TTC28: variants seen among roughly 807,000 people sequenced by gnomAD.
TTC28 encodes tetratricopeptide repeat domain 28.
Under a neutral mutation model 198.0 loss-of-function variants are expected in TTC28, and 61 were observed. The ratio of observed to expected loss-of-function variants is 0.31; its 90% confidence interval spans 0.25 to 0.38. The LOEUF (loss-of-function observed/expected upper bound fraction) is 0.38. Among genes scored for constraint, TTC28 ranks in the 10% least tolerant of loss-of-function variants. The probability of loss-of-function intolerance (pLI) is 1.00; values close to 1 mark genes in which losing one functional copy is unlikely to be tolerated. For missense variants in TTC28, 2,678 were observed against 3,164.0 expected (o/e 0.85, Z 3.69); for synonymous variants, 1,171 against 1,297.8 (o/e 0.90, Z 2.10).
chr22:28,407,684 A>G (rs1183443650), intron 2 of TTC28, among the ~76,000 whole-genome samples: 4 of 152,204 alleles, frequency 2.6e-5, no homozygotes, highest in Non-Finnish European at 5.9e-5. Flanking sequence ...AGTGACAATA[A>G]CATTTAGTCT....
At position 28,586,390 on chromosome 22, in the gene TTC28, T is replaced by C. The variant is rs553103816; in HGVS notation, c.381+43162A>G. On this transcript the variant is annotated intron_variant, in intron 2 of 22. Transcript: ENST00000397906. ...TAAAAGTAATAAAATCAATAATATA[T>C]AGATTTTTAAAAAGAATCTATAGAA... 4.0e-5 allele frequency among the ~76,000 whole-genome samples: 6 copies of C among 151,764 alleles called. No individual in the cohort carries two copies. The South Asian group carries it at 6.2e-4, about 16-fold the overall frequency.
intron 6 of TTC28, among the ~76,000 whole-genome samples, chr22:28,132,909 T>C (rs550413641): frequency 1.3e-5 from 2 of 151,962 alleles, no homozygotes; most frequent in African/African-American, 2.4e-5. Flanking sequence ...TTACTATATA[T>C]GAGATAATAT....
At chr22:28,162,761 C>A (rs1921361478) in intron 6 of TTC28, among the ~76,000 whole-genome samples, 2 of 152,118 alleles carry the variant, frequency 1.3e-5, no homozygotes, top group South Asian at 4.1e-4. Flanking sequence ...CCAGCCTGGG[C>A]AACATAAGAA....
intron 2 of TTC28, among the ~76,000 whole-genome samples, chr22:28,329,400 T>C (rs1414860518): frequency 2.6e-5 from 4 of 152,184 alleles, no homozygotes; most frequent in Non-Finnish European, 5.9e-5. Context: ...TGCTGACACA[T>C]GTTCAGTAAT....
intron 2 of TTC28, among the ~76,000 whole-genome samples, chr22:28,608,893 C>A (rs73430189): frequency 0.14 from 20,608 of 152,116 alleles, 1,637 homozygotes; most frequent in African/African-American, 0.2. Context: ...GTCACTAACA[C>A]ACAAAAGCCA....
At chr22:28,191,182 A>T (rs1353008130) in intron 5 of TTC28, among the ~76,000 whole-genome samples, 2 of 152,240 alleles carry the variant, frequency 1.3e-5, no homozygotes, top group African/African-American at 4.8e-5. Context: ...ATTAAAAGAA[A>T]CATGTTTAAA....
At chr22:27,990,668 G>T in intron 20 of TTC28, 121 bp downstream of exon 20, 1 of 945,284 alleles carries the variant, frequency 1.1e-6, no homozygotes, top group Non-Finnish European at 1.6e-6. Context: ...GGGCGCCGCA[G>T]CCCGTGTGGC....
At chr22:28,529,375 G>T (rs1290861286) in intron 2 of TTC28, among the ~76,000 whole-genome samples, 1 of 152,196 alleles carries the variant, frequency 6.6e-6, no homozygotes, top group Non-Finnish European at 1.5e-5. Context: ...GCCCACCATT[G>T]CTGAGGCTTG....
At chr22:28,553,133 G>A (rs1247759739) in intron 2 of TTC28, among the ~76,000 whole-genome samples, 3 of 152,282 alleles carry the variant, frequency 2.0e-5, no homozygotes, top group African/African-American at 4.8e-5. Flanking sequence ...ATCTCCGCTC[G>A]CTGCAACCTC....
chr22:28,621,855 A>C (rs1364772643), intron 2 of TTC28, among the ~76,000 whole-genome samples: 1 of 152,196 alleles, frequency 6.6e-6, no homozygotes, highest in Admixed American at 6.5e-5. Flanking sequence ...TAAATATCTT[A>C]AATGTATGAG....
At chr22:28,347,277 A>AC (rs2045918692) in intron 2 of TTC28, among the ~76,000 whole-genome samples, 1 of 151,584 alleles carries the variant, frequency 6.6e-6, no homozygotes, top group East Asian at 1.9e-4. Flanking sequence ...AGAGGAAAAA[A>AC]AAAAAAAACA....
chr22:28,024,664 G>C (rs897950362), intron 13 of TTC28, among the ~76,000 whole-genome samples: 1 of 152,234 alleles, frequency 6.6e-6, no homozygotes, highest in African/African-American at 2.4e-5. Context: ...CTCTGCCACT[G>C]ACAAGTGGGC....
rs2047614784 is a variant in TTC28 at position 28,441,132 on chromosome 22, C to T, written c.382-134489G>A. On this transcript the variant is annotated intron_variant, in intron 2 of 22. Coordinates refer to ENST00000397906, the MANE Select transcript of TTC28 (RefSeq NM_001145418.2). ...ACAGAATCTTCCAGAGTCCAGAAAT[C>T]CACCTGACTGCCAAGAATAATACTT... is the stretch of plus-strand genomic sequence containing the variant. 2.0e-5 allele frequency among the ~76,000 whole-genome samples: 3 copies of T among 152,174 alleles called. No homozygotes were observed. In the South Asian group the frequency reaches 6.2e-4, roughly 32 times the overall value.
intron 2 of TTC28, chr22:28,443,176 CCCGG>C (rs1568946505): frequency 6.6e-6 from 1 of 152,236 alleles, no homozygotes; most frequent in African/African-American, 2.4e-5. Context: ...GGGGCATTTT[CCCGG>C]CCGGCGCCTG....
chr22:28,462,035 G>A (rs1348404574), intron 2 of TTC28, among the ~76,000 whole-genome samples: 1 of 152,126 alleles, frequency 6.6e-6, no homozygotes, highest in African/African-American at 2.4e-5. Context: ...GCTATTCTCT[G>A]ATTGTTTCGT....
intron 5 of TTC28, among the ~76,000 whole-genome samples, chr22:28,237,077 G>A (rs1601516133): frequency 1.3e-5 from 2 of 152,200 alleles, no homozygotes; most frequent in South Asian, 4.2e-4. Context: ...GATCAAGTGA[G>A]CATTTTTTAG....
chr22:28,270,134 G>A (rs536407698), intron 5 of TTC28, among the ~76,000 whole-genome samples: 2 of 152,144 alleles, frequency 1.3e-5, no homozygotes, highest in East Asian at 3.9e-4. Flanking sequence ...GGTTGTATAT[G>A]TTTTAAGGAG....
intron 2 of TTC28, among the ~76,000 whole-genome samples, chr22:28,386,282 A>C: frequency 1.9e-5 from 2 of 107,254 alleles, no homozygotes; most frequent in Non-Finnish European, 3.5e-5. Flanking sequence ...CTCAAAAAAA[A>C]AAAAAAAAAA....
chr22:28,228,960 T>C (rs945787123), intron 5 of TTC28, among the ~76,000 whole-genome samples: 2 of 151,878 alleles, frequency 1.3e-5, no homozygotes, highest in Non-Finnish European at 2.9e-5. Context: ...ATCGAGACCA[T>C]CCTGGCCAAC....
Sources: gnomAD v4.1 joint callset for allele counts (sites outside exome capture counted in the v4.1 genomes callset) on GRCh38, gnomAD v4.1.1 for gene constraint, MANE v1.5 for transcripts, NCBI Gene and HGNC (gene_info 2026-07-23, HGNC 2026-07-21) for gene names.